Variants in CDKAL1 observed in about 807,000 individuals in gnomAD.
CDKAL1 encodes the protein CDKAL1 threonylcarbamoyladenosine tRNA methylthiotransferase, also known as threonylcarbamoyladenosine tRNA methylthiotransferase.
A neutral mutation model predicts 68.2 loss-of-function variants in CDKAL1; 32 were observed. The ratio of observed to expected loss-of-function variants is 0.47; its 90% CI spans 0.35 to 0.63. CDKAL1 has a LOEUF of 0.63. CDKAL1 is among the 30% of genes least tolerant of loss of function. The pLI is 0.00. For synonymous variants in CDKAL1, 234 were observed against 244.3 expected (o/e 0.96, Z 0.39); for missense variants, 606 against 696.7 (o/e 0.87, Z 1.47).
At chr6:20,783,613 T>C (rs1775529039) in intron 8 of CDKAL1, among the ~76,000 whole-genome samples, 1 of 152,156 alleles carries the variant, frequency 6.6e-6, no homozygotes, top group Non-Finnish European at 1.5e-5. Context: ...AACTATGTGC[T>C]CATTTCTTGG....
At chr6:21,072,043 A>G (rs1771802196) in intron 12 of CDKAL1, among the ~76,000 whole-genome samples, 1 of 152,346 alleles carries the variant, frequency 6.6e-6, no homozygotes, top group Non-Finnish European at 1.5e-5. Flanking sequence ...GAACTGGTAC[A>G]CGCCACATTA....
chr6:20,944,260 C>G (rs1243535547), intron 9 of CDKAL1, among the ~76,000 whole-genome samples: 3 of 152,178 alleles, frequency 2.0e-5, no homozygotes, highest in Non-Finnish European at 4.4e-5. Context: ...TTATTGTTGT[C>G]TCATATATTG....
At chr6:21,082,265 T>TTTC (rs35189729) in intron 12 of CDKAL1, among the ~76,000 whole-genome samples, 31,725 of 152,020 alleles carry the variant, frequency 0.21, 3,422 homozygotes, top group East Asian at 0.28. Context: ...AGATAAGAAG[T>TTTC]TAGAAGGGCA....
chr6:20,664,261 G>A (rs1769424722), intron 5 of CDKAL1, among the ~76,000 whole-genome samples: 1 of 151,996 alleles, frequency 6.6e-6, no homozygotes, highest in Non-Finnish European at 1.5e-5. Flanking sequence ...CAATGTAGAT[G>A]CATTAAGAAA....
chr6:20,966,825 G>A (rs892124937), intron 10 of CDKAL1, among the ~76,000 whole-genome samples: 3 of 152,180 alleles, frequency 2.0e-5, no homozygotes, highest in Admixed American at 2.0e-4. Context: ...GGAAATTTCA[G>A]ACATTAATCT....
intron 10 of CDKAL1, among the ~76,000 whole-genome samples, chr6:20,961,098 G>T (rs142818768): frequency 6.6e-6 from 1 of 152,174 alleles, no homozygotes; most frequent in African/African-American, 2.4e-5. Flanking sequence ...GTAAGGAAAA[G>T]AGTAAGTATC....
At chr6:21,061,053 T>C (rs889766039) in intron 11 of CDKAL1, among the ~76,000 whole-genome samples, 21 of 152,120 alleles carry the variant, frequency 1.4e-4, no homozygotes, top group African/African-American at 5.1e-4. Context: ...GTTTAAAGTG[T>C]GGGGTGTGTA....
Position 20,882,990 on chromosome 6 carries a change from G to T in CDKAL1, c.742+36812G>T, listed in dbSNP as rs184338861. 4.3e-3 allele frequency among the ~76,000 whole-genome samples: 656 copies of T among 150,968 alleles called. 1 individual carries two copies. The highest frequency in any genetic ancestry group is 6.0e-3 in the Non-Finnish European group (403 of 67,656). On this transcript the variant is annotated intron_variant, in intron 9 of 15. Coordinates refer to ENST00000274695, the MANE Select transcript of CDKAL1 (RefSeq NM_017774.3). ...GAATTAGTCTTTCTTCAGCACTTTG[G>T]TTTTTTTTTCTCTTTTGCTCCTGAA...
At chr6:20,896,402 T>C (rs1162901915) in intron 9 of CDKAL1, among the ~76,000 whole-genome samples, 1 of 152,120 alleles carries the variant, frequency 6.6e-6, no homozygotes, top group Non-Finnish European at 1.5e-5. Flanking sequence ...CTGGCCTCTT[T>C]TTTTCTTTTG....
At chr6:20,905,424 A>G (rs962742828) in intron 9 of CDKAL1, among the ~76,000 whole-genome samples, 1 of 152,200 alleles carries the variant, frequency 6.6e-6, no homozygotes, top group African/African-American at 2.4e-5. Flanking sequence ...ATGAGGAAAC[A>G]TGAATGGAGT....
chr6:20,974,182 G>A (rs935036714), intron 10 of CDKAL1, among the ~76,000 whole-genome samples: 9 of 152,086 alleles, frequency 5.9e-5, no homozygotes, highest in African/African-American at 1.7e-4. Flanking sequence ...TTGTCCTGCC[G>A]TCATGTTAGC....
At chr6:21,146,111 A>G (rs1209659718) in intron 13 of CDKAL1, among the ~76,000 whole-genome samples, 1 of 152,170 alleles carries the variant, frequency 6.6e-6, no homozygotes, top group Non-Finnish European at 1.5e-5. Context: ...CCTCTCCTTA[A>G]TGGGTCTGGA....
intron 6 of CDKAL1, among the ~76,000 whole-genome samples, chr6:20,742,317 T>G (rs912317734): frequency 1.3e-5 from 2 of 152,100 alleles, no homozygotes; most frequent in African/African-American, 4.8e-5. Flanking sequence ...TATAGTCCCA[T>G]TTTGTTACCA....
intron 5 of CDKAL1, among the ~76,000 whole-genome samples, chr6:20,716,776 T>C (rs1772116989): frequency 6.7e-6 from 1 of 148,454 alleles, no homozygotes; most frequent in Admixed American, 6.7e-5. Flanking sequence ...ATATGTTATA[T>C]GTATGAGGCT....
At chr6:21,223,450 T>C (rs1319496129) in intron 15 of CDKAL1, among the ~76,000 whole-genome samples, 1 of 152,232 alleles carries the variant, frequency 6.6e-6, no homozygotes, top group Non-Finnish European at 1.5e-5. Context: ...TTCTACTTAG[T>C]ATTTTCACAT....
chr6:21,024,666 G>A (rs575156166), intron 11 of CDKAL1, among the ~76,000 whole-genome samples: 1 of 152,270 alleles, frequency 6.6e-6, no homozygotes, highest in East Asian at 1.9e-4. Context: ...AATATTATCA[G>A]TAACATGCTT....
At chr6:20,558,778 A>G in intron 4 of CDKAL1, 1 of 352,514 alleles carries the variant, frequency 2.8e-6, no homozygotes, top group South Asian at 2.2e-5. Context: ...TAAGAGTGGA[A>G]ATTGCATTGA....
At chr6:21,032,470 T>C (rs1769347850) in intron 11 of CDKAL1, among the ~76,000 whole-genome samples, 1 of 152,104 alleles carries the variant, frequency 6.6e-6, no homozygotes, top group African/African-American at 2.4e-5. Context: ...TTCCCTAATC[T>C]CCCAAATAGA....
chr6:21,015,190 A>T (rs1476058023), intron 11 of CDKAL1, among the ~76,000 whole-genome samples: 1 of 152,090 alleles, frequency 6.6e-6, no homozygotes, highest in African/African-American at 2.4e-5. Flanking sequence ...AGAAACTCAA[A>T]TTTTTCTATT....
Sources: allele counts gnomAD v4.1 joint callset (sites outside exome capture counted in the v4.1 genomes callset), GRCh38; gene constraint gnomAD v4.1.1; transcripts MANE v1.5; gene names NCBI Gene and HGNC (gene_info 2026-07-23, HGNC 2026-07-21).